SGTA: variants seen among roughly 807,000 people sequenced by gnomAD.
SGTA encodes small glutamine-rich tetratricopeptide repeat-containing protein alpha.
Under a neutral mutation model 44.3 loss-of-function variants are expected in SGTA, and 22 were observed. The ratio of observed to expected loss-of-function variants is 0.50; its 90% CI spans 0.36 to 0.71. The LOEUF is 0.71. Among genes scored for constraint, SGTA ranks in the 30% least tolerant of loss-of-function variants. The pLI is 0.00. For missense variants in SGTA, 341 were observed against 435.9 expected (o/e 0.78, Z 1.94); for synonymous variants, 174 against 177.6 (o/e 0.98, Z 0.16).
chr19:2,761,669 G>A lies in SGTA; in HGVS notation c.637-147C>T, dbSNP rs1026708968. 15 of 685,158 alleles carry A rather than the reference G, an allele frequency of 2.2e-5. No individual in the cohort carries two copies. The highest frequency in any genetic ancestry group is 2.6e-5 in the Non-Finnish European group (10 of 391,906). 42.4% of individuals were successfully genotyped at this position (685,158 alleles called of 1,614,324 possible). A position where few individuals can be genotyped will look rare whatever the true frequency, so the allele number is the denominator to read the frequency against. ...GAGGGTGCTTTGAGGCAGGCAGCAC[G>A]AAGCACATCGCAACCGCCCGGGGAC... On this transcript the variant is annotated intron_variant, in intron 7 of 11. Coordinates refer to ENST00000221566, the MANE Select transcript of SGTA (RefSeq NM_003021.4). This position sits in a 1 kb window ranked among gnomAD's most constrained non-coding sequence, Gnocchi z 5.7.
At chr19:2,760,810 A>G (rs1053855702) in intron 8 of SGTA, among the ~76,000 whole-genome samples, 13 of 152,190 alleles carry the variant, frequency 8.5e-5, no homozygotes, top group Non-Finnish European at 1.8e-4. Context: ...TCTGACTGAC[A>G]GTGAGACTGA....
At chr19:2,766,892 C>T (rs1915157477) in intron 4 of SGTA, among the ~76,000 whole-genome samples, 1 of 152,090 alleles carries the variant, frequency 6.6e-6, no homozygotes, top group African/African-American at 2.4e-5. Context: ...AGCCAGTCTT[C>T]CACAGGGGCC....
At chr19:2,781,880 C>G (rs539344618) in intron 1 of SGTA, among the ~76,000 whole-genome samples, 1 of 147,226 alleles carries the variant, frequency 6.8e-6, no homozygotes, top group Non-Finnish European at 1.5e-5. Flanking sequence ...CTCGCTCTGT[C>G]GCCCAGGCTG....
chr19:2,759,450 A>T, intron 8 of SGTA, 156 bp from the exon 9 acceptor site: 2 of 660,494 alleles, frequency 3.0e-6, no homozygotes, highest in Non-Finnish European at 2.7e-6. Flanking sequence ...CCTTTTCCCT[A>T]CATTTTCGCC....
chr19:2,763,563 T>TG lies in SGTA; in HGVS notation c.497+89dup, dbSNP rs913586852. The TG allele has an allele frequency of 1.4e-5, 12 of 857,904 alleles. No homozygotes were observed. Among genetic ancestry groups the TG allele is most frequent in the East Asian group, 2.7e-5 (1 of 36,954 alleles). 53.1% of individuals were successfully genotyped at this position (857,904 alleles called of 1,614,324 possible). A position where few individuals can be genotyped will look rare whatever the true frequency, so the allele number is the denominator to read the frequency against. ...CCGGGGTGGGAGAATTCGTTGTGGG[T>TG]GGGAAAAAAGCCACACAAGAGAGGA... is the stretch of plus-strand genomic sequence containing the variant. On this transcript the variant is annotated intron_variant, in intron 6 of 11. Transcript: ENST00000221566. This position sits in a 1 kb window ranked among gnomAD's most constrained non-coding sequence, Gnocchi z 5.8.
chr19:2,769,637 C>T (rs1915243554), intron 1 of SGTA, among the ~76,000 whole-genome samples: 1 of 152,208 alleles, frequency 6.6e-6, no homozygotes, highest in African/African-American at 2.4e-5. Flanking sequence ...TGTGCCTGCC[C>T]TGGTATCACT....
At chr19:2,757,629 C>A in intron 10 of SGTA, 64 bp downstream of exon 10, 1 of 1,461,594 alleles carries the variant, frequency 6.8e-7, no homozygotes, top group Non-Finnish European at 9.2e-7. Flanking sequence ...TCCTCCTTCC[C>A]TTCCGCCTGC....
rs987529446 is a variant in SGTA at position 2,767,822 on chromosome 19, C to T, written c.101-136G>A. ...AAGGACCCCAGAACGCAGGGGCCGC[C>T]GCCTGTGCTCTGGGCTGGGACAGTG... is the stretch of plus-strand genomic sequence containing the variant. On this transcript the variant is annotated intron_variant, in intron 2 of 11. Transcript: ENST00000221566. This position sits in a 1 kb window ranked among gnomAD's most constrained non-coding sequence, Gnocchi z 7.3. 5.3e-5 allele frequency: 36 copies of T among 683,080 alleles called. No individual in the cohort carries two copies. Among genetic ancestry groups the T allele is most frequent in the African/African-American group, 5.2e-4 (29 of 56,194 alleles). The allele number at this position is 683,080 out of a possible 1,614,324, so 42.3% of individuals were successfully genotyped here.
chr19:2,757,844 C>T, intron 9 of SGTA, 62 bp from the exon 10 acceptor site: 1 of 1,131,876 alleles, frequency 8.8e-7, no homozygotes, highest in Non-Finnish European at 1.2e-6. Context: ...CACTGCAGGC[C>T]CTCGCAGTGG....
At chr19:2,781,684 A>T (rs1272947009) in intron 1 of SGTA, among the ~76,000 whole-genome samples, 1 of 151,926 alleles carries the variant, frequency 6.6e-6, no homozygotes, top group Non-Finnish European at 1.5e-5. Context: ...GAAAATGAGG[A>T]GTTCTGAACC....
intron 9 of SGTA, among the ~76,000 whole-genome samples, chr19:2,758,095 G>C (rs1288307535): frequency 1.3e-5 from 2 of 152,206 alleles, no homozygotes; most frequent in Non-Finnish European, 1.5e-5. Context: ...GCCAAGACAG[G>C]GGCAGGGGGT....
At chr19:2,777,498 G>A (rs1218800591) in intron 1 of SGTA, 1 of 152,158 alleles carries the variant, frequency 6.6e-6, no homozygotes, top group Non-Finnish European at 1.5e-5. Flanking sequence ...GCTGCAGTGA[G>A]CTGTGATCAC....
intron 5 of SGTA, among the ~76,000 whole-genome samples, chr19:2,764,186 A>G (rs1915077188): frequency 6.6e-6 from 1 of 152,036 alleles, no homozygotes; most frequent in South Asian, 2.1e-4. Context: ...TCTCTTTACA[A>G]TTTTTTCAAA....
rs918216917 is a variant in SGTA at position 2,755,888 on chromosome 19, C to T, written c.*52G>A. The T allele has an allele frequency of 1.0e-6, 1 of 985,690 alleles. No individual in the cohort carries two copies. The highest frequency in any genetic ancestry group is 1.2e-6 in the Non-Finnish European group (1 of 830,096). 61.1% of individuals were successfully genotyped at this position (985,690 alleles called of 1,614,324 possible). ...GAGGAAGTGGCAGACAACCAGAAGGCTTCCTTCGGGTCGGCCAGGGAAGGA... is the reference window on the plus strand; with the variant it reads ...GAGGAAGTGGCAGACAACCAGAAGGTTTCCTTCGGGTCGGCCAGGGAAGGA... On this transcript the variant is annotated 3_prime_UTR_variant, in exon 12 of 12. Transcript: ENST00000221566. This position sits in a 1 kb window ranked among gnomAD's most constrained non-coding sequence, Gnocchi z 5.2.
chr19:2,757,612 T>G, intron 10 of SGTA, 81 bp downstream of exon 10: 1 of 1,444,778 alleles, frequency 6.9e-7, no homozygotes. Flanking sequence ...ACGCAGCACT[T>G]TCGCTCTCCT....
At chr19:2,773,257 A>G (rs12978773) in intron 1 of SGTA, among the ~76,000 whole-genome samples, 16 of 15,672 alleles carry the variant, frequency 1.0e-3, no homozygotes, top group Non-Finnish European at 1.2e-3. Flanking sequence ...GAGGGCAGAG[A>G]TGGGTGACGC....
intron 1 of SGTA, among the ~76,000 whole-genome samples, chr19:2,769,905 G>A (rs1442955069): frequency 6.1e-5 from 6 of 98,348 alleles, no homozygotes; most frequent in African/African-American, 2.5e-4. Flanking sequence ...TTCCCCCAGC[G>A]GACACCAGCC....
At chr19:2,766,636 T>C (rs1599501477) in intron 4 of SGTA, among the ~76,000 whole-genome samples, 1 of 152,186 alleles carries the variant, frequency 6.6e-6, no homozygotes, top group East Asian at 1.9e-4. Flanking sequence ...GGTTTCACCA[T>C]GTTGGCCCAG....
rs1477825126 is a variant in SGTA, at chr19:2,761,553, G to A, written c.637-31C>T. ...GATGAGAACAGCCCTGGTTAGTGGG[G>A]CCTGGACCAGAGGCCACGGTGAATA... On this transcript the variant is annotated intron_variant, in intron 7 of 11. Coordinates refer to ENST00000221566, the MANE Select transcript of SGTA (RefSeq NM_003021.4). The surrounding 1 kb of genome is among the most constrained non-coding windows in gnomAD (Gnocchi z 5.7). 4.5e-6 allele frequency: 7 copies of A among 1,539,042 alleles called. No individual in the cohort carries two copies. Among genetic ancestry groups the A allele is most frequent in the Non-Finnish European group, 6.2e-6 (7 of 1,135,892 alleles).
Sources: allele counts gnomAD v4.1 joint callset (sites outside exome capture counted in the v4.1 genomes callset), GRCh38; gene constraint gnomAD v4.1.1; non-coding constraint Gnocchi (gnomAD v3.1); transcripts MANE v1.5; gene names NCBI Gene and HGNC (gene_info 2026-07-23, HGNC 2026-07-21).